The following EPS8 variants were observed in gnomAD, a reference collection of about 807,000 sequenced individuals.
The protein encoded by EPS8 is EGFR pathway substrate 8, signaling adaptor.
Under a neutral mutation model 103.8 loss-of-function variants are expected in EPS8, and 42 were observed. That is an observed-to-expected ratio of 0.40 (90% confidence interval 0.32 to 0.52). The LOEUF (loss-of-function observed/expected upper bound fraction) is 0.52, where lower values mean the gene tolerates loss of function less well. EPS8 is among the 20% of genes least tolerant of loss of function. The pLI is 0.40. For missense variants in EPS8, 969 were observed against 1,005.1 expected, an observed-to-expected ratio of 0.96 and a Z score of 0.49; for synonymous variants, 344 against 344.6, an observed-to-expected ratio of 1.00 and a Z score of 0.02.
intron 8 of EPS8, chr12:15,662,350 C>T: frequency 8.3e-7 from 1 of 1,206,840 alleles, no homozygotes; most frequent in Non-Finnish European, 1.0e-6. Flanking sequence ...TAATATCACC[C>T]CATTCTCTCT....
intron 8 of EPS8, 94 bp downstream of exon 8, chr12:15,665,662 T>C: frequency 6.8e-7 from 1 of 1,468,228 alleles, no homozygotes; most frequent in Non-Finnish European, 9.4e-7. Context: ...AACCTCAAGC[T>C]TCAGTTCTGA....
rs1296826301 is a variant in EPS8 at position 15,752,135 on chromosome 12, GCTC to G, written c.-22+37023_-22+37025del. Among the ~76,000 whole-genome samples the G allele has an allele frequency of 6.6e-6, 1 of 152,174 alleles. No individual in the cohort carries two copies. The highest frequency in any genetic ancestry group is 1.5e-5 in the Non-Finnish European group (1 of 68,046). ...AATGGTACTTGATATCAAGAAAGCAGCTCCTAATTAGAGCTATTAAAATTCCCC... is the reference window on the plus strand; with the variant it reads ...AATGGTACTTGATATCAAGAAAGCAGCTAATTAGAGCTATTAAAATTCCCC... On this transcript the variant is annotated intron_variant, in intron 1 of 20. Transcript: ENST00000281172. This position sits in a 1 kb window ranked among gnomAD's most constrained non-coding sequence, Gnocchi z 4.4.
At chr12:15,707,140 A>G (rs1033412554) in intron 1 of EPS8, among the ~76,000 whole-genome samples, 2 of 152,180 alleles carry the variant, frequency 1.3e-5, no homozygotes, top group African/African-American at 4.8e-5. Context: ...ACTTTACAGT[A>G]CCTAATCCAA....
chr12:15,699,559 T>C (rs1946285920), intron 1 of EPS8, among the ~76,000 whole-genome samples: 1 of 152,198 alleles, frequency 6.6e-6, no homozygotes, highest in African/African-American at 2.4e-5. Context: ...ACCAGTTGTA[T>C]TCAACCAATT....
chr12:15,636,687 C>T (rs1011723708), intron 17 of EPS8, among the ~76,000 whole-genome samples: 1 of 152,084 alleles, frequency 6.6e-6, no homozygotes, highest in African/African-American at 2.4e-5. Context: ...TCATGACTGT[C>T]CCTTTTTTTA....
chr12:15,682,787 A>G, intron 2 of EPS8, 106 bp downstream of exon 2: 1 of 652,780 alleles, frequency 1.5e-6, no homozygotes, highest in South Asian at 1.8e-5. Flanking sequence ...GGAATGAACT[A>G]CTGAACTACA....
chr12:15,623,107 C>T, intron 20 of EPS8, 51 bp downstream of exon 20: 1 of 1,551,852 alleles, frequency 6.4e-7, no homozygotes, highest in East Asian at 2.3e-5. Flanking sequence ...ATAGTTGTTT[C>T]CAGAGCTTTC....
At chr12:15,648,132 T>A (rs748394522) in intron 14 of EPS8, among the ~76,000 whole-genome samples, 2 of 152,182 alleles carry the variant, frequency 1.3e-5, no homozygotes, top group Non-Finnish European at 2.9e-5. Context: ...GAGGCACAGT[T>A]TCCAACAGGC....
rs1946318738 is a variant in EPS8 at position 15,702,130 on chromosome 12, TAAG to T, written c.-21-19161_-21-19159del. Among the ~76,000 whole-genome samples, 1 of 152,206 alleles carries T rather than the reference TAAG, an allele frequency of 6.6e-6. No homozygotes were observed. Among genetic ancestry groups the T allele is most frequent in the South Asian group, 2.1e-4 (1 of 4,836 alleles). ...CCGTGCAGATTATTAGGAGGCAGTA[TAAG>T]AAGAACAAATTTATTCCAAAAGGGC... On this transcript the variant is annotated intron_variant, in intron 1 of 20. Transcript: ENST00000281172. The surrounding 1 kb of genome is among the most constrained non-coding windows in gnomAD (Gnocchi z 5.1).
In EPS8 at chr12:15,713,063, T is replaced by C; in HGVS notation, c.-21-30091A>G. On this transcript the variant is annotated intron_variant, in intron 1 of 20. Transcript: ENST00000281172. The surrounding 1 kb of genome is among the most constrained non-coding windows in gnomAD (Gnocchi z 4.8). ...ACTAAGATTTCCTCCTCTTGTTAAG[T>C]AAGTAAACACAGCTACCACTACACT... is the stretch of plus-strand genomic sequence containing the variant. 1.1e-6 allele frequency: 1 copy of C among 877,672 alleles called. No individual in the cohort carries two copies. Among genetic ancestry groups the C allele is most frequent in the African/African-American group, 1.8e-5 (1 of 55,270 alleles). The allele number at this position is 877,672 out of a possible 1,614,324, so 54.4% of individuals were successfully genotyped here.
At chr12:15,674,474 TG>T (rs1314488230) in intron 3 of EPS8, among the ~76,000 whole-genome samples, 1 of 152,162 alleles carries the variant, frequency 6.6e-6, no homozygotes, top group African/African-American at 2.4e-5. Context: ...AGGTGCTTAA[TG>T]GGAATCAGTG....
chr12:15,744,593 A>C (rs1474005047), intron 1 of EPS8, among the ~76,000 whole-genome samples: 1 of 152,236 alleles, frequency 6.6e-6, no homozygotes, highest in African/African-American at 2.4e-5. Context: ...CAACAAGCCC[A>C]TGAAGGTAAG....
Position 15,681,260 on chromosome 12 carries a change from T to C in EPS8, c.102A>G (p.Glu34=), listed in dbSNP as rs1243708447. The C allele has an allele frequency of 1.3e-6, 2 of 1,565,184 alleles. No homozygotes were observed. Among genetic ancestry groups the C allele is most frequent in the Non-Finnish European group, 1.7e-6 (2 of 1,150,152 alleles). ...SSPTFSQTDR[E]HGSKTSAKAL... The stretch of plus-strand genomic sequence containing the variant: ...CCTTTGCACTTGTTTTTGAACCATG[T>C]TCTCTGTCCGTCTGGGAAAAGGTAG... The change falls in exon 3 of 21, where the codon GAA becomes GAG. Residue 34 remains glutamate, a synonymous_variant. Coordinates refer to ENST00000281172, the MANE Select transcript of EPS8 (RefSeq NM_004447.6).
intron 3 of EPS8, among the ~76,000 whole-genome samples, chr12:15,676,746 G>A (rs892838323): frequency 2.0e-5 from 3 of 152,176 alleles, no homozygotes; most frequent in Non-Finnish European, 4.4e-5. Flanking sequence ...CTGGAGGAGA[G>A]AGAAATTAAT....
intron 1 of EPS8, among the ~76,000 whole-genome samples, chr12:15,766,048 T>C (rs1947091712): frequency 6.6e-6 from 1 of 151,216 alleles, no homozygotes; most frequent in Non-Finnish European, 1.5e-5. Context: ...ACTCCTGACC[T>C]GATGATCCGC....
intron 1 of EPS8, among the ~76,000 whole-genome samples, chr12:15,705,886 C>A (rs1946379824): frequency 1.3e-5 from 2 of 152,154 alleles, no homozygotes; most frequent in Non-Finnish European, 1.5e-5. Flanking sequence ...GACATTAAAA[C>A]CCTCAATGTT....
Position 15,700,971 on chromosome 12 carries a change from TA to T in EPS8, c.-21-18000del, listed in dbSNP as rs1436759053. On this transcript the variant is annotated intron_variant, in intron 1 of 20. Transcript: ENST00000281172. The surrounding 1 kb of genome is among the most constrained non-coding windows in gnomAD (Gnocchi z 5.1). ...GTCAGGAGAAAGGAGACTTTAAAAA[TA>T]GTCAAAAATTGGTAATGTAAGGTAT... 6.6e-6 allele frequency among the ~76,000 whole-genome samples: 1 copy of T among 152,110 alleles called. No individual in the cohort carries two copies. Among genetic ancestry groups the T allele is most frequent in the East Asian group, 1.9e-4 (1 of 5,202 alleles).
In EPS8 at chr12:15,717,054, G is replaced by A. The variant is rs1345160607; in HGVS notation, c.-21-34082C>T. Among the ~76,000 whole-genome samples, 1 of 152,142 alleles carries A rather than the reference G, an allele frequency of 6.6e-6. No individual in the cohort carries two copies. Among genetic ancestry groups the A allele is most frequent in the African/African-American group, 2.4e-5 (1 of 41,422 alleles). The stretch of plus-strand genomic sequence containing the variant: ...CAAATTTCAATTACATACATGCTAA[G>A]TTAGTTAAATTTGTATGGATACAAT... On this transcript the variant is annotated intron_variant, in intron 1 of 20. Coordinates refer to ENST00000281172, the MANE Select transcript of EPS8 (RefSeq NM_004447.6). The surrounding 1 kb of genome is among the most constrained non-coding windows in gnomAD (Gnocchi z 4.3).
In EPS8 at chr12:15,684,630, C is replaced by T. The variant is rs533814580; in HGVS notation, c.-21-1658G>A. Among the ~76,000 whole-genome samples the T allele has an allele frequency of 1.3e-4, 20 of 152,276 alleles. No individual in the cohort carries two copies. Among genetic ancestry groups the T allele is most frequent in the African/African-American group, 3.9e-4 (16 of 41,554 alleles). The stretch of plus-strand genomic sequence containing the variant: ...CAAATAGTAAGGAATTAAGTCCCAA[C>T]ATATGTAGCTCTATTTTAAATCTGC... On this transcript the variant is annotated intron_variant, in intron 1 of 20. Transcript: ENST00000281172. This position sits in a 1 kb window ranked among gnomAD's most constrained non-coding sequence, Gnocchi z 4.9.
Sources: gnomAD v4.1 joint callset for allele counts (sites outside exome capture counted in the v4.1 genomes callset) on GRCh38, gnomAD v4.1.1 for gene constraint, Gnocchi (gnomAD v3.1) non-coding constraint, MANE v1.5 for transcripts, NCBI Gene and HGNC (gene_info 2026-07-23, HGNC 2026-07-21) for gene names.